PDE5A: variants seen among roughly 807,000 people sequenced by gnomAD.
PDE5A encodes cGMP-specific 3',5'-cyclic phosphodiesterase.
PDE5A carries 67 observed loss-of-function variants against 110.2 expected under a neutral mutation model. That is an observed-to-expected ratio of 0.61 (90% CI 0.50 to 0.75). PDE5A has a LOEUF of 0.75. Ranked by LOEUF, PDE5A falls within the 30% of genes least tolerant of loss-of-function variation. The pLI, the probability that PDE5A is intolerant of heterozygous loss-of-function variation, is 0.00. For missense variants in PDE5A, 862 were observed against 1,045.1 expected, an observed-to-expected ratio of 0.82 and a Z score of 2.42; for synonymous variants, 328 against 351.2, an observed-to-expected ratio of 0.93 and a Z score of 0.74.
intron 1 of PDE5A, among the ~76,000 whole-genome samples, chr4:119,615,649 T>G (rs1439042944): frequency 6.6e-6 from 1 of 151,168 alleles, no homozygotes; most frequent in Non-Finnish European, 1.5e-5. Context: ...AGAGAACAGT[T>G]TAAATTACAT....
intron 15 of PDE5A, among the ~76,000 whole-genome samples, chr4:119,509,261 G>A (rs893335782): frequency 3.3e-5 from 5 of 152,076 alleles, no homozygotes; most frequent in Non-Finnish European, 7.4e-5. Context: ...AACTTGGACA[G>A]GCCAGTCTGG....
rs1376032220 is a variant in PDE5A, at chr4:119,525,574, A to C, written c.1754T>G (p.Val585Gly). 3 of 1,612,992 alleles carry C rather than the reference A, an allele frequency of 1.9e-6. No homozygotes were observed. The African/African-American group carries it at 4.0e-5, about 22-fold the overall frequency. Residue 585 changes from valine to glycine, a missense_variant, in exon 12 of 21, where the codon GTG (valine) becomes GGG (glycine). Transcript: ENST00000354960. The surrounding 1 kb of genome is among the most constrained non-coding windows in gnomAD (Gnocchi z 4.3). The part of the protein sequence containing the change: ...TIRMFTDLNL[V>G]QNFQMKHEVL... Reference sequence around the variant, plus strand: ...CTCATGTTTCATCTGGAAGTTCTGCACAAGGTTGAGGTCAGTAAACATCCG... The same window carrying C: ...CTCATGTTTCATCTGGAAGTTCTGCCCAAGGTTGAGGTCAGTAAACATCCG...
Position 119,550,662 on chromosome 4 carries a change from C to T in PDE5A, c.1396+1888G>A, listed in dbSNP as rs150323832. 8.8e-3 allele frequency among the ~76,000 whole-genome samples: 1,337 copies of T among 152,294 alleles called. 7 individuals are homozygous for T. Among genetic ancestry groups the T allele is most frequent in the Middle Eastern group, 0.024 (7 of 294 alleles). The stretch of plus-strand genomic sequence containing the variant: ...TTGCTGGGGAAAAGTGAAGATGTGA[C>T]TTGATGGGGCAAGCTGCCACTCTGC... On this transcript the variant is annotated intron_variant, in intron 9 of 20. Transcript: ENST00000354960.
At chr4:119,568,671 G>A (rs1476451666) in intron 3 of PDE5A, among the ~76,000 whole-genome samples, 2 of 152,004 alleles carry the variant, frequency 1.3e-5, no homozygotes, top group Non-Finnish European at 2.9e-5. Context: ...TAAAAGAGAA[G>A]GAGTCTCAGA....
chr4:119,521,459 A>G (rs1726125756), intron 12 of PDE5A, among the ~76,000 whole-genome samples: 1 of 151,302 alleles, frequency 6.6e-6, no homozygotes, highest in South Asian at 2.1e-4. Context: ...TCACATAGGT[A>G]TGAATTCACC....
At chr4:119,548,731 C>T (rs1560610921) in intron 9 of PDE5A, 1 of 152,122 alleles carries the variant, frequency 6.6e-6, no homozygotes, top group Non-Finnish European at 1.5e-5. Context: ...TATAGATCTT[C>T]ACTTCCATAA....
At chr4:119,582,736 T>A (rs12648182) in intron 3 of PDE5A, among the ~76,000 whole-genome samples, 74,107 of 152,012 alleles carry the variant, frequency 0.49, 18,294 homozygotes, top group South Asian at 0.64. Flanking sequence ...ACGACATTGA[T>A]TTCCTTGTGC....
At chr4:119,601,639 G>T (rs1339886425) in intron 2 of PDE5A, among the ~76,000 whole-genome samples, 2 of 152,168 alleles carry the variant, frequency 1.3e-5, no homozygotes, top group Non-Finnish European at 2.9e-5. Flanking sequence ...CCTGGAAGAA[G>T]TGTGGTAGCC....
In PDE5A at chr4:119,538,960, C is replaced by T. The variant is rs774074930; in HGVS notation, c.1632G>A (p.Ala544=). The change falls in exon 11 of 21, where the codon GCG becomes GCA. Residue 544 remains alanine, a splice_region_variant and synonymous_variant. Transcript: ENST00000354960. The part of the protein sequence containing the change: ...EEETRELQSL[A]AAVVPSAQTL... ...TTTTAAAAAGAAAGAGGATAATTAC[C>T]GCTAACGACTGTAGCTCTCTTGTTT... is the stretch of plus-strand genomic sequence containing the variant. The T allele has an allele frequency of 2.4e-5, 39 of 1,608,818 alleles. No homozygotes were observed. In the East Asian group the frequency reaches 2.9e-4, roughly 12 times the overall value.
At position 119,521,080 on chromosome 4, in the gene PDE5A, A is replaced by G. The variant is rs199580784; in HGVS notation, c.1780-20T>C. ...AAGAACCTTTAGGGAATAAAACATA[A>G]GTAGTAACAATAATTGCCAACATCT... On this transcript the variant is annotated intron_variant, in intron 12 of 20. Transcript: ENST00000354960. 6.2e-7 allele frequency: 1 copy of G among 1,606,952 alleles called. No individual in the cohort carries two copies. The highest frequency in any genetic ancestry group is 1.7e-5 in the Admixed American group (1 of 59,636).
At chr4:119,577,602 T>C (rs1173507681) in intron 3 of PDE5A, among the ~76,000 whole-genome samples, 4 of 152,208 alleles carry the variant, frequency 2.6e-5, no homozygotes, top group East Asian at 3.8e-4. Context: ...ATTATCTCAA[T>C]AGATGCAGAA....
At chr4:119,526,431 T>C (rs1726322024) in intron 11 of PDE5A, among the ~76,000 whole-genome samples, 1 of 152,086 alleles carries the variant, frequency 6.6e-6, no homozygotes, top group African/African-American at 2.4e-5. Flanking sequence ...GCTCCTCTCC[T>C]AGATGTTTTG....
Position 119,600,183 on chromosome 4 carries a change from A to AGT in PDE5A, c.742-3573_742-3572dup, listed in dbSNP as rs201353420. On this transcript the variant is annotated intron_variant, in intron 2 of 20. Coordinates refer to ENST00000354960, the MANE Select transcript of PDE5A (RefSeq NM_001083.4). ...GCTAGAAATGTGGCTTGAGCACATG[A>AGT]GTATATATATATATAAAAAGAGTAA... 7.2e-3 allele frequency among the ~76,000 whole-genome samples: 1,063 copies of AGT among 146,730 alleles called. 14 individuals carry two copies. The highest frequency in any genetic ancestry group is 0.024 in the African/African-American group (996 of 40,670).
At chr4:119,580,204 AT>A (rs148597192) in intron 3 of PDE5A, among the ~76,000 whole-genome samples, 2,122 of 152,202 alleles carry the variant, frequency 0.014, 31 homozygotes, top group Non-Finnish European at 0.025. Context: ...TAAAAAAAAA[AT>A]CCCCCTCCTG....
intron 20 of PDE5A, chr4:119,499,527 T>C (rs1047895855): frequency 6.6e-6 from 1 of 152,202 alleles, no homozygotes; most frequent in African/African-American, 2.4e-5. Flanking sequence ...TGCTTCTCAG[T>C]AATTCTGATT....
chr4:119,584,815 A>C (rs1359603825), intron 3 of PDE5A, among the ~76,000 whole-genome samples: 1 of 152,180 alleles, frequency 6.6e-6, no homozygotes, highest in Non-Finnish European at 1.5e-5. Context: ...AGTAATAGAC[A>C]TATTCCCTCT....
At chr4:119,553,971 T>C (rs781495522) in intron 7 of PDE5A, among the ~76,000 whole-genome samples, 4 of 152,184 alleles carry the variant, frequency 2.6e-5, no homozygotes, top group African/African-American at 9.6e-5. Context: ...CAACAAGTTT[T>C]ATAAGTGTGA....
At position 119,495,687 on chromosome 4, in the gene PDE5A, A is replaced by T. The variant is rs1477227270; in HGVS notation, c.*2914T>A. On this transcript the variant is annotated 3_prime_UTR_variant, in exon 21 of 21. Transcript: ENST00000354960. ...TCTAATACTCCTATTAAAGGAAACT[A>T]TTATTCAAAATTAAGAGACAGTGGT... 1 of 152,500 alleles carries T rather than the reference A, an allele frequency of 6.6e-6. No individual in the cohort carries two copies. The highest frequency in any genetic ancestry group is 1.5e-5 in the Non-Finnish European group (1 of 68,028). The allele number at this position is 152,500 out of a possible 1,614,324, so 9.4% of individuals were successfully genotyped here. A position where few individuals can be genotyped will look rare whatever the true frequency, so the allele number is the denominator to read the frequency against.
At position 119,525,463 on chromosome 4, in the gene PDE5A, A is replaced by T; in HGVS notation, c.1779+86T>A. 7.9e-7 allele frequency: 1 copy of T among 1,271,458 alleles called. No individual in the cohort carries two copies. 78.8% of individuals were successfully genotyped at this position (1,271,458 alleles called of 1,614,324 possible). ...ACTAAAATGTAAAAATCCCTATTCC[A>T]TATTTGCATTCAAAACCAATTCTCT... On this transcript the variant is annotated intron_variant, in intron 12 of 20. Coordinates refer to ENST00000354960, the MANE Select transcript of PDE5A (RefSeq NM_001083.4). The surrounding 1 kb of genome is among the most constrained non-coding windows in gnomAD (Gnocchi z 4.3).
Sources: allele counts gnomAD v4.1 joint callset (sites outside exome capture counted in the v4.1 genomes callset), GRCh38; gene constraint gnomAD v4.1.1; non-coding constraint Gnocchi (gnomAD v3.1); transcripts MANE v1.5; gene names NCBI Gene and HGNC (gene_info 2026-07-23, HGNC 2026-07-21).